Variants in WIPI1 observed in about 807,000 individuals in gnomAD.
The protein encoded by WIPI1 is WD repeat domain phosphoinositide-interacting protein 1.
A neutral mutation model predicts 55.3 loss-of-function variants in WIPI1; 45 were observed. That is an observed-to-expected ratio of 0.81 (90% CI 0.64 to 1.04). WIPI1 has a LOEUF of 1.04. WIPI1 is among the 50% of genes least tolerant of loss of function. The pLI, the probability that WIPI1 is intolerant of heterozygous loss-of-function variation, is 0.00. For synonymous variants in WIPI1, 195 were observed against 217.6 expected (o/e 0.90, Z 0.92); for missense variants, 445 against 559.0 (o/e 0.80, Z 2.06).
At chr17:68,430,245 C>T in intron 8 of WIPI1, 85 bp from the exon 9 acceptor site, 1 of 1,366,134 alleles carries the variant, frequency 7.3e-7, no homozygotes, top group East Asian at 2.3e-5. Flanking sequence ...GCGTCATTAG[C>T]CACACTCCCC....
At chr17:68,454,544 G>T (rs1167693585) in intron 1 of WIPI1, among the ~76,000 whole-genome samples, 1 of 152,190 alleles carries the variant, frequency 6.6e-6, no homozygotes, top group Non-Finnish European at 1.5e-5. Flanking sequence ...AGCTAAACTG[G>T]TGGGTTAGAC....
chr17:68,426,242 T>TGGCGG, intron 11 of WIPI1, 67 bp from the exon 12 acceptor site: 2 of 669,002 alleles, frequency 3.0e-6, no homozygotes, highest in Non-Finnish European at 2.2e-6. Flanking sequence ...ACCTGGCGGG[T>TGGCGG]GGGGAGCGGG....
At chr17:68,439,084 A>G (rs2083963504) in intron 4 of WIPI1, among the ~76,000 whole-genome samples, 1 of 152,208 alleles carries the variant, frequency 6.6e-6, no homozygotes, top group Non-Finnish European at 1.5e-5. Flanking sequence ...GCAGTTCTTC[A>G]AAAGCTAAAC....
chr17:68,452,877 C>A (rs1420364899), intron 2 of WIPI1, 33 bp downstream of exon 2: 3 of 1,597,142 alleles, frequency 1.9e-6, no homozygotes, highest in Non-Finnish European at 1.7e-6. Context: ...GGTTCTCCTG[C>A]AGATCCCTGA....
chr17:68,431,813 G>C (rs1203185497), intron 8 of WIPI1, among the ~76,000 whole-genome samples: 2 of 11,410 alleles, frequency 1.8e-4, no homozygotes, highest in East Asian at 2.3e-3. Flanking sequence ...TTCTGCTCCT[G>C]GTCACCTGTG....
In WIPI1 at chr17:68,444,487, G is replaced by A; in HGVS notation, c.430+6C>T. 6.2e-7 allele frequency: 1 copy of A among 1,610,030 alleles called. No individual in the cohort carries two copies. The highest frequency in any genetic ancestry group is 8.5e-7 in the Non-Finnish European group (1 of 1,178,220). On this transcript the variant is annotated splice_donor_region_variant and intron_variant, in intron 4 of 12. Coordinates refer to ENST00000262139, the MANE Select transcript of WIPI1 (RefSeq NM_017983.7). ...CAGGGACATTTGTTCCATTTTTGGAGCTCACCTGTTGGGTTTGCAGGAATA... is the reference window on the plus strand; with the variant it reads ...CAGGGACATTTGTTCCATTTTTGGAACTCACCTGTTGGGTTTGCAGGAATA...
chr17:68,444,046 T>C (rs970228548), intron 4 of WIPI1, among the ~76,000 whole-genome samples: 12 of 152,338 alleles, frequency 7.9e-5, no homozygotes, highest in African/African-American at 2.9e-4. Flanking sequence ...TTCTTTGTCA[T>C]GTAATAAAAC....
intron 4 of WIPI1, among the ~76,000 whole-genome samples, chr17:68,437,652 C>T (rs1267991550): frequency 6.6e-6 from 1 of 151,910 alleles, no homozygotes; most frequent in Admixed American, 6.6e-5. Context: ...TTGAGGTCTG[C>T]GTCTGCAGTC....
intron 8 of WIPI1, among the ~76,000 whole-genome samples, chr17:68,431,449 G>C (rs1229746759): frequency 6.6e-6 from 1 of 152,102 alleles, no homozygotes; most frequent in Non-Finnish European, 1.5e-5. Flanking sequence ...TTCTGGGGGT[G>C]GTGGCTGCTG....
In WIPI1 at chr17:68,429,961, G is replaced by A. The variant is rs879156831; in HGVS notation, c.965+35C>T. On this transcript the variant is annotated intron_variant, in intron 9 of 12. Transcript: ENST00000262139. ...TTTGGAAAAATACATTGACGAAAGT[G>A]TGGTCTTGTTCAGAGTGGGTGTCAT... 7 of 1,611,786 alleles carry A rather than the reference G, an allele frequency of 4.3e-6. No individual in the cohort carries two copies. The Admixed American group carries it at 6.7e-5, about 16-fold the overall frequency.
chr17:68,450,591 G>T, intron 3 of WIPI1, 137 bp downstream of exon 3: 1 of 1,179,572 alleles, frequency 8.5e-7, no homozygotes, highest in Non-Finnish European at 1.2e-6. Flanking sequence ...ATACCCCCGG[G>T]ACACGGGGCC....
intron 10 of WIPI1, chr17:68,427,506 A>G (rs754643803): frequency 7.1e-4 from 203 of 284,998 alleles, no homozygotes; most frequent in Middle Eastern, 5.6e-3. Context: ...ACAGGCACCC[A>G]CCACAGCGCC....
chr17:68,437,003 A>T (rs570958474), intron 4 of WIPI1, among the ~76,000 whole-genome samples: 33 of 60,398 alleles, frequency 5.5e-4, no homozygotes, highest in Admixed American at 3.7e-3. Flanking sequence ...CAAAAAAAAA[A>T]AAATATATAT....
chr17:68,437,881 C>A (rs1310896704), intron 4 of WIPI1, among the ~76,000 whole-genome samples: 2 of 141,340 alleles, frequency 1.4e-5, no homozygotes, highest in Middle Eastern at 3.8e-3. Context: ...GCAGTGAATT[C>A]CAGCAATTCC....
chr17:68,450,741 C>T lies in WIPI1; in HGVS notation c.320G>A (p.Arg107Lys), dbSNP rs1600381919. ...YSYSSNILSI[R>K]LNRQRLLVCL... ...TTCCCCACTTACTTGCCGGTTCAGC[C>T]TTATGGACAAGATGTTGCTGGAGTA... is the stretch of plus-strand genomic sequence containing the variant. The change falls in exon 3 of 13, where the codon AGG becomes AAG. Residue 107 changes from arginine to lysine, a missense_variant. Transcript: ENST00000262139. The T allele has an allele frequency of 6.2e-7, 1 of 1,612,288 alleles. No individual in the cohort carries two copies. The highest frequency in any genetic ancestry group is 8.5e-7 in the Non-Finnish European group (1 of 1,179,210).
At chr17:68,441,072 A>G (rs1320119429) in intron 4 of WIPI1, 1 of 152,194 alleles carries the variant, frequency 6.6e-6, no homozygotes, top group Non-Finnish European at 1.5e-5. Context: ...CTCCCTCAAT[A>G]TCCCATAAAA....
rs1223035346 is a variant in WIPI1, at chr17:68,421,693, A to T, written c.*80T>A. 6.3e-7 allele frequency: 1 copy of T among 1,595,152 alleles called. No individual in the cohort carries two copies. Among genetic ancestry groups the T allele is most frequent in the African/African-American group, 1.3e-5 (1 of 74,506 alleles). ...CCCCCCTTTCTGCTCACACAATTGC[A>T]CTCCATTCTTCCGCCTTCCTTGTTT... On this transcript the variant is annotated 3_prime_UTR_variant, in exon 13 of 13. Transcript: ENST00000262139.
At chr17:68,444,616 A>T in intron 3 of WIPI1, 27 bp from the exon 4 acceptor site, 1 of 1,592,098 alleles carries the variant, frequency 6.3e-7, no homozygotes. Context: ...TTATCAGTCT[A>T]CCGAACCGTT....
At chr17:68,444,634 A>G in intron 3 of WIPI1, 45 bp from the exon 4 acceptor site, 6 of 1,528,402 alleles carry the variant, frequency 3.9e-6, no homozygotes, top group Non-Finnish European at 5.4e-6. Context: ...GTTCCTTACA[A>G]AGACCCTGAC....
Sources: gnomAD v4.1 joint callset for allele counts (sites outside exome capture counted in the v4.1 genomes callset) on GRCh38, gnomAD v4.1.1 for gene constraint, MANE v1.5 for transcripts, NCBI Gene and HGNC (gene_info 2026-07-23, HGNC 2026-07-21) for gene names.